DOCK3: variants seen among roughly 807,000 people sequenced by gnomAD.
DOCK3 encodes dedicator of cytokinesis 3, also known as dedicator of cytokinesis protein 3.
Under a neutral mutation model 265.6 loss-of-function variants are expected in DOCK3, and 60 were observed. The observed-to-expected ratio is 0.23, with a 90% CI of 0.18 to 0.28. The LOEUF (loss-of-function observed/expected upper bound fraction) is 0.28. Ranked by LOEUF, DOCK3 falls within the 10% of genes least tolerant of loss-of-function variation. DOCK3 has a pLI of 1.00. For synonymous variants in DOCK3, 881 were observed against 938.0 expected, an observed-to-expected ratio of 0.94 and a Z score of 1.11; for missense variants, 1,981 against 2,594.3, an observed-to-expected ratio of 0.76 and a Z score of 5.14.
intron 15 of DOCK3, among the ~76,000 whole-genome samples, chr3:51,226,790 T>C (rs2090347792): frequency 1.3e-5 from 2 of 152,224 alleles, no homozygotes; most frequent in Admixed American, 1.3e-4. Context: ...TTAAGTTAAA[T>C]CTGGACTAAC....
At chr3:51,181,175 A>G (rs749558521) in intron 12 of DOCK3, among the ~76,000 whole-genome samples, 35 of 152,248 alleles carry the variant, frequency 2.3e-4, no homozygotes, top group African/African-American at 6.5e-4. Flanking sequence ...TCTAGGGTAC[A>G]TGGGCACAAC....
chr3:51,181,061 C>T (rs1294331551), intron 12 of DOCK3, among the ~76,000 whole-genome samples: 1 of 152,142 alleles, frequency 6.6e-6, no homozygotes, highest in Non-Finnish European at 1.5e-5. Flanking sequence ...CATGTATATA[C>T]ACGTACAGGC....
chr3:50,788,924 G>T (rs570304817), intron 2 of DOCK3, among the ~76,000 whole-genome samples: 110 of 152,288 alleles, frequency 7.2e-4, no homozygotes, highest in African/African-American at 2.6e-3. Flanking sequence ...AAAGAACGAG[G>T]TTTTTGTTTC....
chr3:50,821,868 A>G (rs77877597), intron 2 of DOCK3, among the ~76,000 whole-genome samples: 2 of 152,058 alleles, frequency 1.3e-5, no homozygotes, highest in East Asian at 1.9e-4. Context: ...CCATTGATCT[A>G]TGTGTCTGTT....
At chr3:50,803,080 T>TTATTTATG (rs2043157253) in intron 2 of DOCK3, among the ~76,000 whole-genome samples, 1 of 151,564 alleles carries the variant, frequency 6.6e-6, no homozygotes, top group Non-Finnish European at 1.5e-5. Context: ...ATTTATTTAT[T>TTATTTATG]TATTTTAGTA....
intron 2 of DOCK3, among the ~76,000 whole-genome samples, chr3:50,826,882 TTCAAGAGGTGCATTA>T (rs2044788815): frequency 2.6e-5 from 4 of 152,150 alleles, no homozygotes; most frequent in Admixed American, 2.6e-4. Flanking sequence ...AGGGATCAGC[TTCAAGAGGTGCATTA>T]TTTGGTGGGG....
At chr3:50,747,873 AGG>A (rs35359193) in intron 1 of DOCK3, among the ~76,000 whole-genome samples, 16 of 147,040 alleles carry the variant, frequency 1.1e-4, no homozygotes, top group South Asian at 4.3e-4. Context: ...GAAAAAAAAA[AGG>A]GGGGGGGTAT....
At chr3:50,831,712 T>C (rs111914568) in intron 2 of DOCK3, among the ~76,000 whole-genome samples, 15,094 of 152,244 alleles carry the variant, frequency 0.099, 929 homozygotes, top group Non-Finnish European at 0.13. Flanking sequence ...ATCTTTATAG[T>C]AGAATGATTT....
chr3:51,287,086 C>T (rs940236946), intron 27 of DOCK3, among the ~76,000 whole-genome samples: 6 of 152,108 alleles, frequency 3.9e-5, no homozygotes, highest in Admixed American at 2.6e-4. Context: ...GGTCTGATAA[C>T]CAGAATCTGT....
At chr3:50,783,249 C>T (rs2042017392) in intron 2 of DOCK3, among the ~76,000 whole-genome samples, 2 of 152,080 alleles carry the variant, frequency 1.3e-5, no homozygotes, top group Non-Finnish European at 2.9e-5. Context: ...TAAGGAATCT[C>T]CACACTGTTT....
intron 5 of DOCK3, among the ~76,000 whole-genome samples, chr3:50,973,965 T>C (rs1372810682): frequency 1.4e-5 from 2 of 145,854 alleles, no homozygotes; most frequent in African/African-American, 2.5e-5. Flanking sequence ...TCATGTCCTT[T>C]GCCCACTTTT....
intron 19 of DOCK3, among the ~76,000 whole-genome samples, chr3:51,235,875 G>A (rs1316122939): frequency 6.6e-6 from 1 of 152,130 alleles, no homozygotes; most frequent in East Asian, 1.9e-4. Flanking sequence ...GTGTCTGTAG[G>A]TAAAGCCTAA....
chr3:51,116,450 C>CAAAA (rs55898136), intron 9 of DOCK3, among the ~76,000 whole-genome samples: 13 of 54,898 alleles, frequency 2.4e-4, no homozygotes, highest in East Asian at 1.3e-3. Context: ...GACTCCATCT[C>CAAAA]AAAAAAAAAA....
chr3:50,890,157 A>G, intron 4 of DOCK3, 76 bp downstream of exon 4: 1 of 1,150,652 alleles, frequency 8.7e-7, no homozygotes, highest in South Asian at 1.9e-5. Flanking sequence ...CTTTTGGTTC[A>G]TAGTATAAAA....
chr3:50,836,241 C>G (rs1314040717), intron 2 of DOCK3, among the ~76,000 whole-genome samples: 1 of 152,202 alleles, frequency 6.6e-6, no homozygotes, highest in Non-Finnish European at 1.5e-5. Flanking sequence ...GGGCTCTTAC[C>G]CAACCTTTCC....
intron 9 of DOCK3, among the ~76,000 whole-genome samples, chr3:51,102,041 T>G (rs2083108671): frequency 6.6e-6 from 1 of 152,214 alleles, no homozygotes; most frequent in African/African-American, 2.4e-5. Flanking sequence ...TAAAATATAT[T>G]TAGCTGGGGA....
intron 6 of DOCK3, among the ~76,000 whole-genome samples, chr3:51,064,804 CCT>C (rs1272127103): frequency 6.6e-6 from 1 of 152,112 alleles, no homozygotes; most frequent in Non-Finnish European, 1.5e-5. Flanking sequence ...CCTCTTTTAG[CCT>C]CTGTTTTTGC....
chr3:51,323,693 A>C (rs2083895161), intron 32 of DOCK3, among the ~76,000 whole-genome samples: 1 of 152,232 alleles, frequency 6.6e-6, no homozygotes, highest in South Asian at 2.1e-4. Context: ...CAGTGTGTAG[A>C]GGGAAATTTA....
chr3:51,354,832 G>A, intron 40 of DOCK3, 50 bp from the exon 41 acceptor site: 6 of 1,589,180 alleles, frequency 3.8e-6, no homozygotes, highest in South Asian at 2.3e-5. Flanking sequence ...GGTGGAGGTG[G>A]GGGGCTACAA....
Sources: gnomAD v4.1 joint callset for allele counts (sites outside exome capture counted in the v4.1 genomes callset) on GRCh38, gnomAD v4.1.1 for gene constraint, MANE v1.5 for transcripts, NCBI Gene and HGNC (gene_info 2026-07-23, HGNC 2026-07-21) for gene names.